TAF5L: variants seen among roughly 807,000 people sequenced by gnomAD.
The protein encoded by TAF5L is TATA-box binding protein associated factor 5 like.
A neutral mutation model predicts 51.3 loss-of-function variants in TAF5L; 7 were observed. That is an observed-to-expected ratio of 0.14 (90% CI 0.08 to 0.26). The LOEUF is 0.26. TAF5L is among the 10% of genes least tolerant of loss of function. The pLI is 1.00. For missense variants in TAF5L, 575 were observed against 758.9 expected, an observed-to-expected ratio of 0.76 and a Z score of 2.85; for synonymous variants, 291 against 308.1, an observed-to-expected ratio of 0.94 and a Z score of 0.58.
chr1:229,608,469 T>C (rs1188654043), intron 3 of TAF5L, among the ~76,000 whole-genome samples: 1 of 152,222 alleles, frequency 6.6e-6, no homozygotes, highest in African/African-American at 2.4e-5. Context: ...CAGTGATCAA[T>C]TTCCACTAAG....
At chr1:229,608,139 T>C (rs761348547) in intron 3 of TAF5L, among the ~76,000 whole-genome samples, 3 of 152,192 alleles carry the variant, frequency 2.0e-5, no homozygotes, top group Non-Finnish European at 2.9e-5. Context: ...TACACACGCA[T>C]AGAATTATCC....
Position 229,602,507 on chromosome 1 carries a change from G to C in TAF5L, c.660C>G (p.Asn220Lys). The C allele has an allele frequency of 1.2e-6, 2 of 1,614,156 alleles. No individual in the cohort carries two copies. Among genetic ancestry groups the C allele is most frequent in the Non-Finnish European group, 8.5e-7 (1 of 1,180,012 alleles). Residue 220 changes from asparagine to lysine, a missense_variant, in exon 4 of 5, where the codon AAC becomes AAG. Asn to Lys is a moderately conservative substitution (Grantham distance 94). This residue lies in a region of TAF5L where 380 missense variants were observed against 443.7 expected (regional missense o/e 0.86). Transcript: ENST00000258281. This position sits in a 1 kb window ranked among gnomAD's most constrained non-coding sequence, Gnocchi z 4.6. ...GCATGTCGGGGGGCTCCAAACCGTTGTTCTCACTGCGGGAGGAGCTGCCAC... is the reference window on the plus strand; with the variant it reads ...GCATGTCGGGGGGCTCCAAACCGTTCTTCTCACTGCGGGAGGAGCTGCCAC...
chr1:229,626,087 C>G (rs1193004231), upstream of TAF5L: 1 of 151,442 alleles, frequency 6.6e-6, no homozygotes, highest in Non-Finnish European at 1.5e-5. Context: ...CGGGCTGGGC[C>G]GCTCGGGCCT....
At chr1:229,618,937 G>A (rs904480557) in intron 1 of TAF5L, among the ~76,000 whole-genome samples, 3 of 152,194 alleles carry the variant, frequency 2.0e-5, no homozygotes, top group Non-Finnish European at 4.4e-5. Flanking sequence ...GTGAGTTCAA[G>A]ATAAATTCAG....
rs1349214866 is a variant in TAF5L at position 229,594,143 on chromosome 1, G to T, written c.*154C>A. The T allele has an allele frequency of 1.2e-6, 1 of 835,982 alleles. No individual in the cohort carries two copies. 51.8% of individuals were successfully genotyped at this position (835,982 alleles called of 1,614,324 possible). A position where few individuals can be genotyped will look rare whatever the true frequency, so the allele number is the denominator to read the frequency against. On this transcript the variant is annotated 3_prime_UTR_variant, in exon 5 of 5. Coordinates refer to ENST00000258281, the Ensembl canonical transcript of TAF5L. This position sits in a 1 kb window ranked among gnomAD's most constrained non-coding sequence, Gnocchi z 7.9. ...CCAACCTTGGCCTTCGACACTGGGG[G>T]GCTGAGTGAAGGGGGACCTGCCCGG...
intron 1 of TAF5L, among the ~76,000 whole-genome samples, chr1:229,624,688 T>C (rs1056262634): frequency 2.0e-5 from 3 of 152,318 alleles, no homozygotes; most frequent in South Asian, 2.1e-4. Flanking sequence ...GTTATGCAGA[T>C]GGCTACATGG....
chr1:229,615,659 T>C (rs1571850553), intron 1 of TAF5L, among the ~76,000 whole-genome samples: 1 of 151,942 alleles, frequency 6.6e-6, no homozygotes, highest in East Asian at 1.9e-4. Flanking sequence ...CTATTGAGTT[T>C]ATTATCAACA....
intron 1 of TAF5L, among the ~76,000 whole-genome samples, chr1:229,618,599 G>A (rs1665090308): frequency 6.6e-6 from 1 of 152,184 alleles, no homozygotes; most frequent in Admixed American, 6.5e-5. Context: ...TAACAACTCT[G>A]CAGGGAAAAC....
At chr1:229,617,554 G>A (rs1204283660) in intron 1 of TAF5L, among the ~76,000 whole-genome samples, 2 of 152,156 alleles carry the variant, frequency 1.3e-5, no homozygotes, top group East Asian at 3.8e-4. Flanking sequence ...AGCATTCCAG[G>A]CAGATGGGCC....
Position 229,602,600 on chromosome 1 carries a change from T to G in TAF5L, c.567A>C (p.Lys189Asn). 5 of 1,614,206 alleles carry G rather than the reference T, an allele frequency of 3.1e-6. No individual in the cohort carries two copies. The highest frequency in any genetic ancestry group is 4.2e-6 in the Non-Finnish European group (5 of 1,180,038). The change falls in exon 4 of 5, where the codon AAA becomes AAC. Residue 189 changes from lysine to asparagine, a missense_variant. By Grantham distance (94) the Lys-to-Asn change is moderately conservative. Around this residue, in one of 3 missense-constraint regions of TAF5L, gnomAD observed 380 missense variants for 443.7 expected, o/e 0.86. Coordinates refer to ENST00000258281, the Ensembl canonical transcript of TAF5L. This position sits in a 1 kb window ranked among gnomAD's most constrained non-coding sequence, Gnocchi z 4.6. ...CAAGATGAATATGTAAGGTGAGGAC[T>G]TTGCACAGGGCAGTATTGTTGTCAC...
At chr1:229,596,118 T>TA (rs764325715) in intron 4 of TAF5L, among the ~76,000 whole-genome samples, 25 of 151,902 alleles carry the variant, frequency 1.6e-4, no homozygotes, top group Admixed American at 7.9e-4. Context: ...CAAAAAAATT[T>TA]AAAAAATTAG....
In TAF5L at chr1:229,597,965, C is replaced by A. The variant is rs1265154471; in HGVS notation, c.973-2871G>T. ...CAGACCAGGGGTCCTTTCTTGGGGTCTGGAATTTAGCCTCCATCTATTCTC... is the reference window on the plus strand; with the variant it reads ...CAGACCAGGGGTCCTTTCTTGGGGTATGGAATTTAGCCTCCATCTATTCTC... On this transcript the variant is annotated intron_variant, in intron 4 of 4. Transcript: ENST00000258281. Among the ~76,000 whole-genome samples the A allele has an allele frequency of 3.3e-5, 5 of 152,262 alleles. No homozygotes were observed. In the East Asian group the frequency reaches 9.7e-4, roughly 29 times the overall value.
At chr1:229,606,753 G>C in intron 3 of TAF5L, 2 of 985,418 alleles carry the variant, frequency 2.0e-6, no homozygotes, top group South Asian at 4.7e-5. Context: ...AAGAGTCACA[G>C]CTGGCCCTGG....
At position 229,602,417 on chromosome 1, in the gene TAF5L, C is replaced by A; in HGVS notation, c.750G>T (p.Lys250Asn). ...TGGTAGTGAGGGAGGGAGGCCCATC[C>A]TTGACTCGCTTAATGCTCTCCTGTA... is the stretch of plus-strand genomic sequence containing the variant. The change falls in exon 4 of 5, where the codon AAG (lysine) becomes AAT (asparagine). Residue 250 changes from lysine to asparagine, a missense_variant. By Grantham distance (94) the Lys-to-Asn change is moderately conservative. Transcript: ENST00000258281. This position sits in a 1 kb window ranked among gnomAD's most constrained non-coding sequence, Gnocchi z 4.6. 1 of 1,614,112 alleles carries A rather than the reference C, an allele frequency of 6.2e-7. No individual in the cohort carries two copies. The highest frequency in any genetic ancestry group is 8.5e-7 in the Non-Finnish European group (1 of 1,180,012).
rs939302462 is a variant in TAF5L at position 229,625,017 on chromosome 1, C to T, written c.-4+868G>A. On this transcript the variant is annotated intron_variant, in intron 1 of 4. Transcript: ENST00000258281. This position sits in a 1 kb window ranked among gnomAD's most constrained non-coding sequence, Gnocchi z 4.0. ...CCAATCTGCAAGGTCAGTTTAGGTA[C>T]AGTAATTTAAGACAGACACTGCATG... 3.3e-5 allele frequency among the ~76,000 whole-genome samples: 5 copies of T among 152,156 alleles called. No individual in the cohort carries two copies. The highest frequency in any genetic ancestry group is 9.7e-5 in the African/African-American group (4 of 41,428).
At chr1:229,624,890 T>C (rs1282263895) in intron 1 of TAF5L, among the ~76,000 whole-genome samples, 2 of 152,186 alleles carry the variant, frequency 1.3e-5, no homozygotes, top group African/African-American at 2.4e-5. Flanking sequence ...AACTCAGGTG[T>C]TGGCACACTT....
chr1:229,608,491 A>G lies in TAF5L; in HGVS notation c.247+1615T>C, dbSNP rs374450140. On this transcript the variant is annotated intron_variant, in intron 3 of 4. Transcript: ENST00000258281. ...CAATTTCCACTAAGGATAAAAAAAG[A>G]AAAACCGAATTTATAATAAGGGTTT... 3.9e-5 allele frequency among the ~76,000 whole-genome samples: 6 copies of G among 152,238 alleles called. 1 individual carries two copies. The East Asian group carries it at 7.7e-4, about 20-fold the overall frequency.
chr1:229,607,250 C>T (rs1240782781), intron 3 of TAF5L: 46 of 985,308 alleles, frequency 4.7e-5, no homozygotes, highest in Non-Finnish European at 5.5e-5. Context: ...AAATAAAGCT[C>T]CTGCCTTCCA....
chr1:229,618,809 C>T (rs1665099924), intron 1 of TAF5L, among the ~76,000 whole-genome samples: 1 of 151,996 alleles, frequency 6.6e-6, no homozygotes, highest in Non-Finnish European at 1.5e-5. Context: ...CTGGGAGGCA[C>T]CCTCATCCAC....
Sources: allele counts gnomAD v4.1 joint callset (sites outside exome capture counted in the v4.1 genomes callset), GRCh38; gene constraint gnomAD v4.1.1; regional missense constraint gnomAD v4.1.1; non-coding constraint Gnocchi (gnomAD v3.1); transcripts MANE v1.5; gene names NCBI Gene and HGNC (gene_info 2026-07-23, HGNC 2026-07-21).